The following PARD3B variants were observed in gnomAD, a reference collection of about 807,000 sequenced individuals.
PARD3B encodes the protein partitioning defective 3 homolog B.
A neutral mutation model predicts 130.2 loss-of-function variants in PARD3B; 103 were observed. That is an observed-to-expected ratio of 0.79 (90% CI 0.67 to 0.93). The LOEUF (loss-of-function observed/expected upper bound fraction) is 0.93, where lower values mean the gene tolerates loss of function less well. PARD3B is among the 40% of genes least tolerant of loss of function. The pLI is 0.00. For missense variants in PARD3B, 1,609 were observed against 1,499.2 expected (o/e 1.07, Z -1.21); for synonymous variants, 583 against 553.2 (o/e 1.05, Z -0.76).
rs183682664 is a variant in PARD3B, at chr2:205,554,115, C to T, written c.3260+712C>T. ...TCCAAGAGTACATGCAGTCCAGCTA[C>T]GATTGGAGTTAGGTGAGGTGAGAGT... On this transcript the variant is annotated intron_variant, in intron 22 of 22. Coordinates refer to ENST00000406610, the MANE Select transcript of PARD3B (RefSeq NM_001302769.2). Among the ~76,000 whole-genome samples, 421 of 152,266 alleles carry T rather than the reference C, an allele frequency of 2.8e-3. 1 individual carries two copies. The highest frequency in any genetic ancestry group is 7.9e-3 in the South Asian group (38 of 4,810).
chr2:204,877,509 A>G (rs568605473), intron 2 of PARD3B, among the ~76,000 whole-genome samples: 1 of 152,278 alleles, frequency 6.6e-6, no homozygotes, highest in East Asian at 1.9e-4. Context: ...AGACTAGCGT[A>G]TGTGCAGTTT....
chr2:205,451,688 G>A (rs1404939688), intron 20 of PARD3B, among the ~76,000 whole-genome samples: 1 of 143,744 alleles, frequency 7.0e-6, no homozygotes, highest in Non-Finnish European at 1.5e-5. Flanking sequence ...TATGTAATAG[G>A]TATATATATA....
chr2:204,741,074 A>G (rs2039988163), intron 2 of PARD3B, among the ~76,000 whole-genome samples: 1 of 152,190 alleles, frequency 6.6e-6, no homozygotes, highest in African/African-American at 2.4e-5. Context: ...ATCAATTTGA[A>G]TAACGCATAG....
intron 5 of PARD3B, among the ~76,000 whole-genome samples, chr2:205,112,180 A>G (rs970281568): frequency 2.0e-5 from 3 of 152,022 alleles, no homozygotes; most frequent in Non-Finnish European, 4.4e-5. Context: ...TATATCAGCA[A>G]TATCTGGGCA....
At chr2:204,816,947 A>G (rs545323502) in intron 2 of PARD3B, among the ~76,000 whole-genome samples, 2 of 151,936 alleles carry the variant, frequency 1.3e-5, no homozygotes, top group South Asian at 2.1e-4. Context: ...TTTTTGTTTC[A>G]TATGATTTCT....
intron 4 of PARD3B, among the ~76,000 whole-genome samples, chr2:205,057,670 T>C (rs1699803466): frequency 6.9e-6 from 1 of 145,412 alleles, no homozygotes; most frequent in South Asian, 2.1e-4. Flanking sequence ...CATATACATA[T>C]ATGTGTATGT....
At chr2:205,162,693 G>T (rs1271952162) in intron 11 of PARD3B, among the ~76,000 whole-genome samples, 1 of 152,200 alleles carries the variant, frequency 6.6e-6, no homozygotes, top group Non-Finnish European at 1.5e-5. Flanking sequence ...TTATGTGGTA[G>T]TGCTGTTGCT....
chr2:204,641,583 G>A (rs1266373276), intron 1 of PARD3B, among the ~76,000 whole-genome samples: 3 of 152,130 alleles, frequency 2.0e-5, no homozygotes, highest in Non-Finnish European at 4.4e-5. Flanking sequence ...TTGAGGGGAA[G>A]CTGAGTTTCT....
intron 18 of PARD3B, among the ~76,000 whole-genome samples, chr2:205,335,237 C>T (rs1461620780): frequency 6.6e-6 from 1 of 152,142 alleles, no homozygotes; most frequent in Non-Finnish European, 1.5e-5. Flanking sequence ...CAATTCCAAA[C>T]AGTTATGCCT....
chr2:205,282,293 G>A (rs955114926), intron 16 of PARD3B, among the ~76,000 whole-genome samples: 1 of 151,622 alleles, frequency 6.6e-6, no homozygotes, highest in Non-Finnish European at 1.5e-5. Context: ...CATCTTCCTG[G>A]TCTCTTTCTT....
intron 2 of PARD3B, among the ~76,000 whole-genome samples, chr2:204,847,850 G>C (rs759986779): frequency 3.9e-5 from 6 of 152,156 alleles, no homozygotes; most frequent in Non-Finnish European, 7.4e-5. Context: ...GGAAAACATC[G>C]TATGCTGAGG....
At chr2:205,416,603 T>G (rs1319815024) in intron 19 of PARD3B, among the ~76,000 whole-genome samples, 2 of 152,052 alleles carry the variant, frequency 1.3e-5, no homozygotes, top group Non-Finnish European at 2.9e-5. Flanking sequence ...AAAAGTAGAT[T>G]TGTTAATTTT....
chr2:205,304,870 G>T (rs535768468), intron 18 of PARD3B, among the ~76,000 whole-genome samples: 1 of 152,308 alleles, frequency 6.6e-6, no homozygotes, highest in East Asian at 1.9e-4. Context: ...GACTTAGCCT[G>T]GGAGGTAGAG....
intron 2 of PARD3B, among the ~76,000 whole-genome samples, chr2:204,825,564 T>C (rs2043535884): frequency 6.6e-6 from 1 of 152,246 alleles, no homozygotes; most frequent in Non-Finnish European, 1.5e-5. Flanking sequence ...GCGAGCTCTT[T>C]CATTGCACAT....
chr2:205,262,313 G>C (rs560805727), intron 16 of PARD3B, among the ~76,000 whole-genome samples: 1 of 152,210 alleles, frequency 6.6e-6, no homozygotes, highest in South Asian at 2.1e-4. Flanking sequence ...TGATGTACTA[G>C]TTGTGTATTG....
At chr2:205,120,141 T>C (rs575506712) in intron 7 of PARD3B, among the ~76,000 whole-genome samples, 1 of 152,338 alleles carries the variant, frequency 6.6e-6, no homozygotes, top group Admixed American at 6.5e-5. Context: ...TAGAAGAATC[T>C]ATTGTGTTAA....
intron 21 of PARD3B, among the ~76,000 whole-genome samples, chr2:205,502,098 T>C (rs1212812439): frequency 3.9e-5 from 6 of 152,166 alleles, no homozygotes; most frequent in Non-Finnish European, 8.8e-5. Flanking sequence ...TCAGCATCCT[T>C]TCCTCTCCTC....
chr2:205,266,835 T>C (rs2040522621), intron 16 of PARD3B, among the ~76,000 whole-genome samples: 1 of 152,162 alleles, frequency 6.6e-6, no homozygotes, highest in African/African-American at 2.4e-5. Flanking sequence ...ATCTAGAACC[T>C]GTGGTTTTCA....
intron 4 of PARD3B, among the ~76,000 whole-genome samples, chr2:205,051,254 A>G (rs1699170994): frequency 6.6e-6 from 1 of 152,160 alleles, no homozygotes; most frequent in African/African-American, 2.4e-5. Context: ...ATGATTTGAT[A>G]AGTGATGGTG....
Sources: allele counts gnomAD v4.1 joint callset (sites outside exome capture counted in the v4.1 genomes callset), GRCh38; gene constraint gnomAD v4.1.1; transcripts MANE v1.5; gene names NCBI Gene and HGNC (gene_info 2026-07-23, HGNC 2026-07-21).